The following LSM8 variants were observed in gnomAD, a reference collection of about 807,000 sequenced individuals.
LSM8 encodes LSM8 U6 small nuclear RNA associated.
In LSM8, 14 loss-of-function variants were observed where a neutral mutation model predicts 15.0. The observed-to-expected ratio is 0.93, with a 90% CI of 0.62 to 1.46. LSM8 has a LOEUF of 1.46. LSM8 is among the 40% of genes most tolerant of loss of function. The pLI is 0.00. For missense variants in LSM8, 90 were observed against 115.4 expected (o/e 0.78, Z 1.01); for synonymous variants, 50 against 42.1 (o/e 1.19, Z -0.73).
chr7:118,190,770 T>G (rs1238040856), intron 3 of LSM8: 1 of 152,178 alleles, frequency 6.6e-6, no homozygotes, highest in Non-Finnish European at 1.5e-5. Context: ...CTTTATATAC[T>G]TTAAAGCAAA....
rs1809019603 is a variant in LSM8 at position 118,193,423 on chromosome 7, A to G, written c.*1421A>G. On this transcript the variant is annotated 3_prime_UTR_variant, in exon 4 of 4. Transcript: ENST00000249299. ...TCATTCATATTTTAAAATATTTTAA[A>G]CTTCATACTTATTAAACATAATAGC... Among the ~76,000 whole-genome samples the G allele has an allele frequency of 6.6e-6, 1 of 152,096 alleles. No homozygotes were observed. The highest frequency in any genetic ancestry group is 2.4e-5 in the African/African-American group (1 of 41,438).
Position 118,193,616 on chromosome 7 carries a change from CAATT to C in LSM8, c.*1615_*1618del, listed in dbSNP as rs1188510549. Among the ~76,000 whole-genome samples, 7 of 151,914 alleles carry C rather than the reference CAATT, an allele frequency of 4.6e-5. No homozygotes were observed. Among genetic ancestry groups the C allele is most frequent in the African/African-American group, 1.4e-4 (6 of 41,382 alleles). On this transcript the variant is annotated 3_prime_UTR_variant, in exon 4 of 4. Transcript: ENST00000249299. ...GACTTGTAGTATAATGTTTTATAATCAATTTATTAATAAAATGATGGAAAGTGGG... is the reference window on the plus strand; with the variant it reads ...GACTTGTAGTATAATGTTTTATAATCTATTAATAAAATGATGGAAAGTGGG...
intron 1 of LSM8, chr7:118,184,871 A>G (rs1200352755): frequency 6.6e-6 from 1 of 152,234 alleles, no homozygotes; most frequent in Admixed American, 6.5e-5. Flanking sequence ...GCTCAGGTAC[A>G]AACTGGGTGA....
Position 118,184,191 on chromosome 7 carries a change from G to A in LSM8, c.-33G>A, listed in dbSNP as rs200772066. On this transcript the variant is annotated 5_prime_UTR_variant, in exon 1 of 4. Transcript: ENST00000249299. ...TTCAGTTCTGCTTGCTGTCGGCACC[G>A]CTGCGTTACCCGGAACCGCCGGGCC... 4.6e-4 allele frequency: 702 copies of A among 1,542,830 alleles called. 3 individuals are homozygous for A. The African/African-American group carries it at 8.6e-3, about 19-fold the overall frequency.
At chr7:118,187,407 G>A (rs1808905285) in intron 2 of LSM8, among the ~76,000 whole-genome samples, 1 of 152,150 alleles carries the variant, frequency 6.6e-6, no homozygotes, top group Non-Finnish European at 1.5e-5. Flanking sequence ...TTTCCTTCAA[G>A]TTCTGGTTTT....
In LSM8 at chr7:118,193,513, G is replaced by T. The variant is rs1365985512; in HGVS notation, c.*1511G>T. On this transcript the variant is annotated 3_prime_UTR_variant, in exon 4 of 4. Coordinates refer to ENST00000249299, the MANE Select transcript of LSM8 (RefSeq NM_016200.5). ...ATAAGGGGAGAAGCACTATTCTCTA[G>T]AATTATTTGGTTGATGTTAAGGGCT... is the stretch of plus-strand genomic sequence containing the variant. Among the ~76,000 whole-genome samples the T allele has an allele frequency of 6.6e-6, 1 of 152,024 alleles. No individual in the cohort carries two copies. The highest frequency in any genetic ancestry group is 2.4e-5 in the African/African-American group (1 of 41,418).
In LSM8 at chr7:118,197,506, G is replaced by A. The variant is rs1243199073; in HGVS notation, c.*5504G>A. Among the ~76,000 whole-genome samples the A allele has an allele frequency of 1.3e-5, 2 of 152,068 alleles. No individual in the cohort carries two copies. The highest frequency in any genetic ancestry group is 2.4e-5 in the African/African-American group (1 of 41,400). ...GAAAACTCATTAACTGATACAAGTT[G>A]CCAGAAAATGCTGCACTATGGCTTA... On this transcript the variant is annotated 3_prime_UTR_variant, in exon 4 of 4. Coordinates refer to ENST00000249299, the MANE Select transcript of LSM8 (RefSeq NM_016200.5).
In LSM8 at chr7:118,198,103, T is replaced by C. The variant is rs1809110672; in HGVS notation, c.*6101T>C. On this transcript the variant is annotated 3_prime_UTR_variant, in exon 4 of 4. Transcript: ENST00000249299. The stretch of plus-strand genomic sequence containing the variant: ...AAATTTATTGTAAATGAAAGTATGC[T>C]TCCCTGGTGCAAAGGTAATGTGATG... Among the ~76,000 whole-genome samples the C allele has an allele frequency of 6.6e-6, 1 of 152,180 alleles. No individual in the cohort carries two copies. Among genetic ancestry groups the C allele is most frequent in the Non-Finnish European group, 1.5e-5 (1 of 68,018 alleles).
chr7:118,188,141 T>TA (rs2115915555), intron 2 of LSM8, 137 bp from the exon 3 acceptor site: 2 of 959,588 alleles, frequency 2.1e-6, no homozygotes, highest in East Asian at 2.6e-5. Flanking sequence ...CTGTTGGTTA[T>TA]AAAAAAGGCA....
rs987875752 is a variant in LSM8, at chr7:118,195,990, T to C, written c.*3988T>C. On this transcript the variant is annotated 3_prime_UTR_variant, in exon 4 of 4. Coordinates refer to ENST00000249299, the MANE Select transcript of LSM8 (RefSeq NM_016200.5). ...ATTGATGTGAGATTTGGTCAGATGC[T>C]TTGATGTGATCTTCATTCCTCTGTA... Among the ~76,000 whole-genome samples, 1 of 152,218 alleles carries C rather than the reference T, an allele frequency of 6.6e-6. No individual in the cohort carries two copies. Among genetic ancestry groups the C allele is most frequent in the Non-Finnish European group, 1.5e-5 (1 of 68,034 alleles).
intron 2 of LSM8, among the ~76,000 whole-genome samples, chr7:118,187,923 A>G (rs1439510176): frequency 2.6e-5 from 4 of 152,342 alleles, no homozygotes; most frequent in African/African-American, 7.2e-5. Flanking sequence ...ATATTTGGCT[A>G]TCATTTTCCC....
intron 1 of LSM8, 63 bp downstream of exon 1, chr7:118,184,317 C>G: frequency 1.4e-6 from 2 of 1,428,038 alleles, no homozygotes; most frequent in South Asian, 1.4e-5. Flanking sequence ...GGTCGGGGAT[C>G]GGTGGGAGGT....
rs1355714188 is a variant in LSM8, at chr7:118,203,358, A to G, written c.*11356A>G. Among the ~76,000 whole-genome samples the G allele has an allele frequency of 6.6e-6, 1 of 151,896 alleles. No homozygotes were observed. Among genetic ancestry groups the G allele is most frequent in the African/African-American group, 2.4e-5 (1 of 41,418 alleles). ...TGAAGAAGATACTAATATTTCTGAT[A>G]TCATATAGGAGTAAAAATTGCGGGG... On this transcript the variant is annotated 3_prime_UTR_variant, in exon 4 of 4. Transcript: ENST00000249299.
At chr7:118,189,226 C>T (rs2286859) in intron 3 of LSM8, 10,371 of 150,932 alleles carry the variant, frequency 0.069, 378 homozygotes, top group East Asian at 0.11. Context: ...CCCTACTGCA[C>T]TCCAGCCTGG....
chr7:118,187,905 A>G (rs1433215169), intron 2 of LSM8, among the ~76,000 whole-genome samples: 2 of 152,180 alleles, frequency 1.3e-5, no homozygotes, highest in African/African-American at 4.8e-5. Flanking sequence ...GTTCTTCCTT[A>G]TTTATGTATA....
intron 2 of LSM8, among the ~76,000 whole-genome samples, chr7:118,188,048 A>C (rs1041215590): frequency 6.6e-6 from 1 of 152,066 alleles, no homozygotes; most frequent in African/African-American, 2.4e-5. Context: ...ACTGCTGTCA[A>C]CTCTACATAT....
intron 3 of LSM8, chr7:118,191,693 A>G (rs1808984444): frequency 2.0e-6 from 1 of 489,362 alleles, no homozygotes; most frequent in Non-Finnish European, 3.6e-6. Flanking sequence ...TCCTGTAATA[A>G]TGTGCCTTCA....
chr7:118,191,586 A>G, intron 3 of LSM8: 1 of 185,922 alleles, frequency 5.4e-6, no homozygotes, highest in Non-Finnish European at 1.1e-5. Context: ...ATGGTTTGGA[A>G]GTTTGAGGGT....
At chr7:118,184,518 G>T (rs1808850797) in intron 1 of LSM8, 1 of 386,102 alleles carries the variant, frequency 2.6e-6, no homozygotes, top group East Asian at 4.2e-5. Flanking sequence ...TAAAAAAAAT[G>T]TACGCTCTTG....
Sources: gnomAD v4.1 joint callset for allele counts (sites outside exome capture counted in the v4.1 genomes callset) on GRCh38, gnomAD v4.1.1 for gene constraint, MANE v1.5 for transcripts, NCBI Gene and HGNC (gene_info 2026-07-23, HGNC 2026-07-21) for gene names.